The following ZNF582 variants were observed in gnomAD, a reference collection of about 807,000 sequenced individuals.
ZNF582 encodes zinc finger protein 582.
A neutral mutation model predicts 12.3 loss-of-function variants in ZNF582; 14 were observed. That is an observed-to-expected ratio of 1.14 (90% CI 0.75 to 1.78). ZNF582 has a LOEUF of 1.78. ZNF582 is among the 40% of genes most tolerant of loss of function. ZNF582 has a pLI of 0.00. For synonymous variants in ZNF582, 210 were observed against 207.2 expected (o/e 1.01, Z -0.11); for missense variants, 567 against 616.5 (o/e 0.92, Z 0.85).
chr19:56,391,597 A>G, intron 2 of ZNF582, 147 bp downstream of exon 2: 1 of 702,128 alleles, frequency 1.4e-6, no homozygotes, highest in Middle Eastern at 2.9e-4. Context: ...CATTTGTCAG[A>G]GGGGAGAGGA....
intron 2 of ZNF582, among the ~76,000 whole-genome samples, chr19:56,390,893 T>G (rs2042009315): frequency 6.6e-6 from 1 of 152,226 alleles, no homozygotes; most frequent in Non-Finnish European, 1.5e-5. Context: ...TCTGATGGAT[T>G]TTCCCCAAAT....
At chr19:56,388,310 C>T (rs1233054529) in intron 4 of ZNF582, 1 of 152,054 alleles carries the variant, frequency 6.6e-6, no homozygotes, top group African/African-American at 2.4e-5. Context: ...AAAAATATGC[C>T]ACCTACTATT....
At chr19:56,392,106 T>C (rs1193938807) in intron 1 of ZNF582, among the ~76,000 whole-genome samples, 1 of 152,234 alleles carries the variant, frequency 6.6e-6, no homozygotes, top group East Asian at 1.9e-4. Context: ...AGGGCTGTTC[T>C]AGTGACTGAG....
exon 5 of ZNF582, chr19:56,383,942 T>C (rs749696224): frequency 6.2e-7 from 1 of 1,612,974 alleles, no homozygotes; most frequent in Non-Finnish European, 8.5e-7. Context: ...TAGTAAGGGG[T>C]AACTGCTGAT....
intron 1 of ZNF582, among the ~76,000 whole-genome samples, chr19:56,392,832 T>C (rs570310289): frequency 1.1e-4 from 17 of 152,354 alleles, no homozygotes; most frequent in African/African-American, 4.1e-4. Context: ...ATAAGGTGCC[T>C]ACTGCATTAC....
exon 5 of ZNF582, chr19:56,384,668 G>A: frequency 1.2e-6 from 2 of 1,614,000 alleles, no homozygotes; most frequent in East Asian, 2.2e-5. Context: ...TTTCTCACCA[G>A]TATGAACTCT....
At chr19:56,388,577 C>CTA (rs2041987749) in intron 4 of ZNF582, among the ~76,000 whole-genome samples, 1 of 152,136 alleles carries the variant, frequency 6.6e-6, no homozygotes, top group Non-Finnish European at 1.5e-5. Flanking sequence ...ACAGTGCTTT[C>CTA]CCTCTGCCCA....
At chr19:56,390,496 T>C in exon 3 of ZNF582, 1 of 1,614,106 alleles carries the variant, frequency 6.2e-7, no homozygotes, top group Non-Finnish European at 8.5e-7. Context: ...TGAACAATTC[T>C]GACCCCTGGA....
chr19:56,384,861 G>A lies in ZNF582; in HGVS notation c.556C>T (p.Leu186Phe), dbSNP rs141583034. Reference sequence around the variant, plus strand: ...GTATAAATTCCTTGATGATTAATAAGGAGTTCCTTTTGCCAGAAGTCTTTT... The same window carrying A: ...GTATAAATTCCTTGATGATTAATAAAGAGTTCCTTTTGCCAGAAGTCTTTT... Residue 186 changes from leucine (L) to phenylalanine (F), a missense_variant, in exon 5 of 5, where the codon CTT becomes TTT. Transcript: ENST00000586929. The A allele has an allele frequency of 1.8e-4, 291 of 1,610,264 alleles. 3 individuals carry two copies. In the East Asian group the frequency reaches 5.6e-3, roughly 31 times the overall value.
exon 2 of ZNF582, chr19:56,391,817 T>G: frequency 1.2e-6 from 2 of 1,613,580 alleles, no homozygotes; most frequent in Non-Finnish European, 1.7e-6. Flanking sequence ...AAGGGCAGAG[T>G]CCTGCGACGG....
intron 1 of ZNF582, 66 bp downstream of exon 1, chr19:56,393,154 G>T: frequency 1.8e-6 from 2 of 1,093,750 alleles, no homozygotes; most frequent in African/African-American, 1.8e-5. Flanking sequence ...AAAAAAAAAA[G>T]GCACGCATAA....
At chr19:56,392,423 A>G (rs914992012) in intron 1 of ZNF582, among the ~76,000 whole-genome samples, 1 of 152,250 alleles carries the variant, frequency 6.6e-6, no homozygotes, top group Admixed American at 6.5e-5. Flanking sequence ...CAGCACGCCC[A>G]GTGCTCCATT....
chr19:56,390,561 G>T (rs2042006968), intron 2 of ZNF582, 60 bp from the exon 3 acceptor site: 2 of 1,597,540 alleles, frequency 1.3e-6, no homozygotes, highest in South Asian at 2.2e-5. Flanking sequence ...GGGATGAAAG[G>T]AGATGGGGCA....
rs1458281362 is a variant in ZNF582 at position 56,391,817 on chromosome 19, T to A, written c.-65A>T. 3.7e-6 allele frequency: 6 copies of A among 1,613,580 alleles called. No individual in the cohort carries two copies. In the Admixed American group the frequency reaches 8.3e-5, roughly 22 times the overall value. On this transcript the variant is annotated 5_prime_UTR_variant, in exon 2 of 5. Transcript: ENST00000586929. ...GTTCCTCTCTTGGGGAAGGGCAGAG[T>A]CCTGCGACGGTAGAGCTGGGGGAGG...
intron 4 of ZNF582, among the ~76,000 whole-genome samples, chr19:56,389,266 G>A (rs183843393): frequency 3.3e-5 from 5 of 152,254 alleles, no homozygotes; most frequent in Non-Finnish European, 5.9e-5. Flanking sequence ...ATATTCCATG[G>A]TGCATAATAA....
exon 5 of ZNF582, chr19:56,383,239 T>G (rs9304775): frequency 2.6e-5 from 4 of 152,204 alleles, no homozygotes; most frequent in African/African-American, 2.4e-5. Flanking sequence ...CTCCTAAATT[T>G]AGATTATTTC....
At chr19:56,384,739 T>C in exon 5 of ZNF582, 1 of 1,607,904 alleles carries the variant, frequency 6.2e-7, no homozygotes, top group Non-Finnish European at 8.5e-7. Flanking sequence ...TACATTCATA[T>C]GGTTTCTTAC....
exon 5 of ZNF582, chr19:56,384,490 T>C: frequency 6.2e-7 from 1 of 1,608,736 alleles, no homozygotes; most frequent in Non-Finnish European, 8.5e-7. Flanking sequence ...ATGCATAGGG[T>C]TTTTCACCAG....
At chr19:56,393,138 A>AT in intron 1 of ZNF582, 82 bp downstream of exon 1, 7 of 1,010,016 alleles carry the variant, frequency 6.9e-6, no homozygotes, top group Middle Eastern at 2.5e-4. Flanking sequence ...TTCCTCTCAG[A>AT]TTAAAAAAAA....
Sources: gnomAD v4.1 joint callset for allele counts (sites outside exome capture counted in the v4.1 genomes callset) on GRCh38, gnomAD v4.1.1 for gene constraint, MANE v1.5 for transcripts, NCBI Gene and HGNC (gene_info 2026-07-23, HGNC 2026-07-21) for gene names.